GSE1: variants seen among roughly 807,000 people sequenced by gnomAD.
GSE1 encodes the protein Gse1 coiled-coil protein.
In GSE1, 32 loss-of-function variants were observed where a neutral mutation model predicts 112.6. That is an observed-to-expected ratio of 0.28 (90% CI 0.21 to 0.38). The LOEUF (loss-of-function observed/expected upper bound fraction) is 0.38. GSE1 is among the 10% of genes least tolerant of loss of function. The probability of loss-of-function intolerance (pLI) is 1.00; values close to 1 mark genes in which losing one functional copy is unlikely to be tolerated. For synonymous variants in GSE1, 1,115 were observed against 735.6 expected, an observed-to-expected ratio of 1.52 and a Z score of -8.35; for missense variants, 2,348 against 1,699.2, an observed-to-expected ratio of 1.38 and a Z score of -6.71.
intron 1 of GSE1, among the ~76,000 whole-genome samples, chr16:85,312,290 G>A (rs1371496683): frequency 6.7e-6 from 1 of 150,302 alleles, no homozygotes. Flanking sequence ...ACAAATTGGC[G>A]GCTTAAAACA....
At position 85,344,797 on chromosome 16, in the gene GSE1, C is replaced by G. The variant is rs944955347; in HGVS notation, c.2284-12666C>G. Among the ~76,000 whole-genome samples the G allele has an allele frequency of 7.2e-5, 11 of 152,218 alleles. No individual in the cohort carries two copies. The South Asian group carries it at 2.3e-3, about 32-fold the overall frequency. On this transcript the variant is annotated intron_variant, in intron 1 of 2. Coordinates refer to the GSE1 transcript ENST00000637419. ...TGCCCTCAGCCCCAGCAGGATGCAG[C>G]TTCCCAGGCTGGAGAGAGAAGGGAG... is the stretch of plus-strand genomic sequence containing the variant.
intron 1 of GSE1, among the ~76,000 whole-genome samples, chr16:85,341,027 A>T (rs189257588): frequency 3.2e-4 from 48 of 152,358 alleles, no homozygotes; most frequent in Admixed American, 2.0e-3. Flanking sequence ...TTTAAAACAG[A>T]GCAGGGCACA....
intron 2 of GSE1, among the ~76,000 whole-genome samples, chr16:85,410,965 A>C (rs1174208728): frequency 1.3e-5 from 1 of 76,976 alleles, no homozygotes; most frequent in Non-Finnish European, 2.2e-5. Flanking sequence ...GATAATCCTC[A>C]CTGTTACACT....
chr16:85,494,223 G>A (rs776287988), intron 2 of GSE1, among the ~76,000 whole-genome samples: 4 of 152,208 alleles, frequency 2.6e-5, no homozygotes, highest in Non-Finnish European at 5.9e-5. Flanking sequence ...TGCTCCCTGT[G>A]CAGGCTCTAG....
At chr16:85,249,791 G>T (rs1290498178) in intron 1 of GSE1, among the ~76,000 whole-genome samples, 1 of 152,242 alleles carries the variant, frequency 6.6e-6, no homozygotes, top group African/African-American at 2.4e-5. Flanking sequence ...TGCCCAAGTG[G>T]CACAGGGTCA....
intron 1 of GSE1, among the ~76,000 whole-genome samples, chr16:85,320,441 A>T (rs2046079674): frequency 6.7e-6 from 1 of 149,040 alleles, no homozygotes; most frequent in Admixed American, 6.7e-5. Flanking sequence ...TACCCGGCTA[A>T]TGTTTTGTTT....
chr16:85,607,072 G>T (rs1013549122), upstream of GSE1, among the ~76,000 whole-genome samples: 1 of 143,614 alleles, frequency 7.0e-6, no homozygotes, highest in African/African-American at 2.5e-5. Context: ...GGGTGGGGGG[G>T]GCGGGAGGGA....
At chr16:85,411,760 G>C (rs1427399859) in intron 2 of GSE1, among the ~76,000 whole-genome samples, 1 of 31,772 alleles carries the variant, frequency 3.1e-5, no homozygotes, top group African/African-American at 1.6e-4. Flanking sequence ...AATCCTCACC[G>C]TTACACTCAG....
chr16:85,390,181 C>T (rs907303582), intron 2 of GSE1, among the ~76,000 whole-genome samples: 1 of 152,172 alleles, frequency 6.6e-6, no homozygotes, highest in East Asian at 1.9e-4. Context: ...ACTTCTGTGT[C>T]CCTGAAATCT....
intron 1 of GSE1, among the ~76,000 whole-genome samples, chr16:85,219,710 C>T (rs1295730568): frequency 6.6e-6 from 1 of 152,254 alleles, no homozygotes; most frequent in Non-Finnish European, 1.5e-5. Flanking sequence ...CATTTCTTTT[C>T]TTCTTGCGTT....
intron 1 of GSE1, among the ~76,000 whole-genome samples, chr16:85,254,243 C>A (rs1281747706): frequency 1.3e-5 from 2 of 152,196 alleles, no homozygotes; most frequent in African/African-American, 4.8e-5. Flanking sequence ...GCAGAGCCGG[C>A]ACTGGAGCCC....
intron 1 of GSE1, among the ~76,000 whole-genome samples, chr16:85,222,168 C>T (rs2075405577): frequency 6.6e-6 from 1 of 152,348 alleles, no homozygotes. Context: ...CCCTGTGGCT[C>T]TGGTGGAGCA....
chr16:85,304,055 G>T (rs1419898572), intron 1 of GSE1, among the ~76,000 whole-genome samples: 1 of 152,244 alleles, frequency 6.6e-6, no homozygotes, highest in Non-Finnish European at 1.5e-5. Flanking sequence ...AGAAAAAGCC[G>T]CAGGACAGAG....
At chr16:85,407,358 A>T (rs1266976305) in intron 2 of GSE1, among the ~76,000 whole-genome samples, 1 of 17,272 alleles carries the variant, frequency 5.8e-5, no homozygotes, top group Non-Finnish European at 8.6e-5. Context: ...TCACCGTTAC[A>T]CTCAGGGCCC....
rs1567555809 is a variant in GSE1, at chr16:85,519,559, T to TCTCC, written c.2465-114355_2465-114354insCTCC. On this transcript the variant is annotated intron_variant, in intron 2 of 2. Transcript: ENST00000637419. ...CCATCATCACTATTACCACCATCAC[T>TCTCC]ATCATCATCACCATCACCAGTCTCC... Among the ~76,000 whole-genome samples the TCTCC allele has an allele frequency of 5.8e-3, 54 of 9,252 alleles. 5 individuals carry two copies. Among genetic ancestry groups the TCTCC allele is most frequent in the Non-Finnish European group, 8.1e-3 (31 of 3,810 alleles). 6.1% of individuals were successfully genotyped at this position (9,252 alleles called of 152,430 possible).
chr16:85,338,530 A>G (rs151189110), intron 1 of GSE1, among the ~76,000 whole-genome samples: 90 of 152,348 alleles, frequency 5.9e-4, no homozygotes, highest in African/African-American at 2.1e-3. Flanking sequence ...GGATCAGGCA[A>G]GTAAGATTTG....
chr16:85,649,896 G>A (rs1344787353), intron 3 of GSE1, among the ~76,000 whole-genome samples: 1 of 152,166 alleles, frequency 6.6e-6, no homozygotes, highest in Non-Finnish European at 1.5e-5. Flanking sequence ...AGAGGTGTGG[G>A]AAGGGAGCCA....
At chr16:85,565,690 G>C (rs1012679621) in intron 1 of GSE1, among the ~76,000 whole-genome samples, 3 of 152,148 alleles carry the variant, frequency 2.0e-5, no homozygotes, top group African/African-American at 7.2e-5. Flanking sequence ...TGGAGTGAGA[G>C]AACAGGCCTG....
chr16:85,506,007 G>A (rs2051523560), intron 2 of GSE1, among the ~76,000 whole-genome samples: 1 of 151,874 alleles, frequency 6.6e-6, no homozygotes, highest in Non-Finnish European at 1.5e-5. Context: ...AACATCTCCA[G>A]TTTGTGTGCA....
Sources: gnomAD v4.1 joint callset for allele counts (sites outside exome capture counted in the v4.1 genomes callset) on GRCh38, gnomAD v4.1.1 for gene constraint, MANE v1.5 for transcripts, NCBI Gene and HGNC (gene_info 2026-07-23, HGNC 2026-07-21) for gene names.